SLIT3: variants seen among roughly 807,000 people sequenced by gnomAD.
SLIT3 encodes the protein slit guidance ligand 3.
SLIT3 carries 68 observed loss-of-function variants against 184.0 expected under a neutral mutation model. That is an observed-to-expected ratio of 0.37 (90% confidence interval 0.30 to 0.45). SLIT3 has a LOEUF of 0.45. Ranked by LOEUF, SLIT3 falls within the 20% of genes least tolerant of loss-of-function variation. The pLI, the probability that SLIT3 is intolerant of heterozygous loss-of-function variation, is 1.00. For missense variants in SLIT3, 1,707 were observed against 2,026.0 expected (o/e 0.84, Z 3.02); for synonymous variants, 831 against 828.6 (o/e 1.00, Z -0.05).
intron 3 of SLIT3, among the ~76,000 whole-genome samples, chr5:169,204,967 G>A (rs1764022211): frequency 6.6e-6 from 1 of 152,176 alleles, no homozygotes; most frequent in Non-Finnish European, 1.5e-5. Flanking sequence ...GTGAGAGGGT[G>A]CAAACAATAG....
At chr5:169,160,125 C>G (rs890022214) in intron 4 of SLIT3, among the ~76,000 whole-genome samples, 1 of 152,194 alleles carries the variant, frequency 6.6e-6, no homozygotes, top group Non-Finnish European at 1.5e-5. Context: ...GTTTTATGTT[C>G]CTTTAGTTGA....
intron 4 of SLIT3, among the ~76,000 whole-genome samples, chr5:169,109,347 T>C (rs190312025): frequency 6.6e-6 from 1 of 152,324 alleles, no homozygotes; most frequent in Admixed American, 6.5e-5. Context: ...CCCTTAGTCA[T>C]ACAGCCAGAA....
intron 4 of SLIT3, among the ~76,000 whole-genome samples, chr5:169,046,316 C>T (rs975078392): frequency 5.3e-5 from 8 of 152,160 alleles, no homozygotes; most frequent in African/African-American, 1.9e-4. Flanking sequence ...AAGATCGCAG[C>T]ACTAGTTTTG....
chr5:168,720,312 G>C (rs1384945342), intron 23 of SLIT3: 2 of 152,258 alleles, frequency 1.3e-5, no homozygotes, highest in African/African-American at 4.8e-5. Context: ...GCCAGACTGG[G>C]ACAAATGATG....
chr5:169,047,359 C>A (rs181722947), intron 4 of SLIT3, among the ~76,000 whole-genome samples: 1 of 152,170 alleles, frequency 6.6e-6, no homozygotes, highest in East Asian at 1.9e-4. Flanking sequence ...GCTGATTTTA[C>A]AGCTGAAATG....
intron 14 of SLIT3, among the ~76,000 whole-genome samples, chr5:168,763,546 T>A (rs528430897): frequency 6.6e-6 from 1 of 152,318 alleles, no homozygotes; most frequent in South Asian, 2.1e-4. Context: ...AAGTTGGAGC[T>A]GAGATTTGCT....
At position 169,289,128 on chromosome 5, in the gene SLIT3, C is replaced by T. The variant is rs145370637; in HGVS notation, c.197+11385G>A. ...AGGTTATAGATGAGACTATGGAGACCGCAAAGGTACTCAGACAGGTCGGGC... is the reference window on the plus strand; with the variant it reads ...AGGTTATAGATGAGACTATGGAGACTGCAAAGGTACTCAGACAGGTCGGGC... On this transcript the variant is annotated intron_variant, in intron 1 of 35. Transcript: ENST00000519560. Among the ~76,000 whole-genome samples, 685 of 152,214 alleles carry T rather than the reference C, an allele frequency of 4.5e-3. 5 individuals are homozygous for T. Among genetic ancestry groups the T allele is most frequent in the Middle Eastern group, 0.014 (4 of 294 alleles).
At chr5:168,716,615 G>A (rs1384423825) in intron 23 of SLIT3, among the ~76,000 whole-genome samples, 1 of 152,268 alleles carries the variant, frequency 6.6e-6, no homozygotes, top group African/African-American at 2.4e-5. Flanking sequence ...AGGCCGTGGT[G>A]AGTCCTGTGA....
intron 1 of SLIT3, among the ~76,000 whole-genome samples, chr5:169,281,014 C>T (rs1323888972): frequency 1.3e-5 from 2 of 152,086 alleles, no homozygotes; most frequent in African/African-American, 2.4e-5. Context: ...CGTACTGTCT[C>T]AGTGTTGGGG....
At chr5:168,954,071 C>G (rs183383049) in intron 4 of SLIT3, among the ~76,000 whole-genome samples, 1 of 151,960 alleles carries the variant, frequency 6.6e-6, no homozygotes, top group Admixed American at 6.6e-5. Flanking sequence ...CAGAGCCCAA[C>G]AGTTCATGGA....
chr5:168,811,722 T>G lies in SLIT3; in HGVS notation c.794-5135A>C, dbSNP rs140903142. 7.9e-4 allele frequency among the ~76,000 whole-genome samples: 120 copies of G among 152,360 alleles called. 1 individual carries two copies. The East Asian group carries it at 0.021, about 27-fold the overall frequency. On this transcript the variant is annotated intron_variant, in intron 8 of 35. Coordinates refer to ENST00000519560, the MANE Select transcript of SLIT3 (RefSeq NM_003062.4). ...CAAAAAGACAAAAAACAACAAATGC[T>G]GGCACCAATGTGGAGAAAGGGGAAC...
At chr5:169,067,280 A>G (rs1325076214) in intron 4 of SLIT3, among the ~76,000 whole-genome samples, 1 of 151,894 alleles carries the variant, frequency 6.6e-6, no homozygotes, top group Non-Finnish European at 1.5e-5. Flanking sequence ...GTGGCACACA[A>G]CTGTAGTCCC....
chr5:168,890,386 C>A (rs192446303), intron 4 of SLIT3, among the ~76,000 whole-genome samples: 101 of 152,236 alleles, frequency 6.6e-4, no homozygotes, highest in Admixed American at 7.2e-4. Context: ...TTGGTTTTAT[C>A]TTTCAAGGTG....
chr5:168,699,962 T>G (rs943975714), intron 27 of SLIT3, among the ~76,000 whole-genome samples: 9 of 152,166 alleles, frequency 5.9e-5, no homozygotes, highest in African/African-American at 2.2e-4. Context: ...AAGCACGAGG[T>G]TGGGACCTGG....
At chr5:168,855,469 A>G (rs1040266863) in intron 5 of SLIT3, among the ~76,000 whole-genome samples, 1 of 152,252 alleles carries the variant, frequency 6.6e-6, no homozygotes, top group Non-Finnish European at 1.5e-5. Context: ...GAAACAACCC[A>G]AATGTCTGTC....
intron 4 of SLIT3, among the ~76,000 whole-genome samples, chr5:168,900,995 G>A (rs1318588294): frequency 1.3e-5 from 2 of 152,136 alleles, no homozygotes; most frequent in South Asian, 2.1e-4. Flanking sequence ...ATTACTTAAC[G>A]GGTACAATGT....
chr5:169,010,283 G>C (rs1041174165), intron 4 of SLIT3, among the ~76,000 whole-genome samples: 4 of 152,156 alleles, frequency 2.6e-5, no homozygotes, highest in Admixed American at 1.3e-4. Context: ...AGCGATAAGG[G>C]GAAGGGGCAA....
chr5:168,911,183 T>C (rs546464664), intron 4 of SLIT3, among the ~76,000 whole-genome samples: 1 of 152,276 alleles, frequency 6.6e-6, no homozygotes, highest in South Asian at 2.1e-4. Flanking sequence ...ACAAAATGAT[T>C]ATTTAAAAAC....
intron 6 of SLIT3, among the ~76,000 whole-genome samples, chr5:168,825,871 G>C (rs1372796842): frequency 6.6e-6 from 1 of 152,170 alleles, no homozygotes; most frequent in Non-Finnish European, 1.5e-5. Flanking sequence ...GGGCAGAAAT[G>C]ATCCCTCCAT....
Sources: gnomAD v4.1 joint callset for allele counts (sites outside exome capture counted in the v4.1 genomes callset) on GRCh38, gnomAD v4.1.1 for gene constraint, MANE v1.5 for transcripts, NCBI Gene and HGNC (gene_info 2026-07-23, HGNC 2026-07-21) for gene names.